DNM2: variants seen among roughly 807,000 people sequenced by gnomAD.
The protein encoded by DNM2 is dynamin-2.
Under a neutral mutation model 99.0 loss-of-function variants are expected in DNM2, and 15 were observed. That is an observed-to-expected ratio of 0.15 (90% CI 0.10 to 0.23). DNM2 has a LOEUF of 0.23. DNM2 is among the 10% of genes least tolerant of loss of function. The pLI is 1.00. For missense variants in DNM2, 742 were observed against 1,189.4 expected (o/e 0.62, Z 5.53); for synonymous variants, 525 against 481.2 (o/e 1.09, Z -1.19).
rs2070722832 is a variant in DNM2 at position 10,764,163 on chromosome 19, C to T, written c.235+4352C>T. On this transcript the variant is annotated intron_variant, in intron 2 of 20. Transcript: ENST00000389253. The surrounding 1 kb of genome is among the most constrained non-coding windows in gnomAD (Gnocchi z 4.1). ...GCAGCTGGCTCTCTGTGACCAAACT[C>T]AGAACCAGGCTGCCACCCTTTACTG... 6.6e-6 allele frequency among the ~76,000 whole-genome samples: 1 copy of T among 152,152 alleles called. No individual in the cohort carries two copies. Among genetic ancestry groups the T allele is most frequent in the Non-Finnish European group, 1.5e-5 (1 of 68,008 alleles).
In DNM2 at chr19:10,812,074, T is replaced by G. The variant is rs779271086; in HGVS notation, c.1558-190T>G. ...CTGTCTGTCCGCCCACCTGCCCAGG[T>G]GGCGCCTCATGTTGGTTTCCTGCTG... On this transcript the variant is annotated intron_variant, in intron 14 of 20. Coordinates refer to ENST00000389253, the MANE Select transcript of DNM2 (RefSeq NM_001005361.3). The surrounding 1 kb of genome is among the most constrained non-coding windows in gnomAD (Gnocchi z 4.0). The G allele has an allele frequency of 4.5e-5, 25 of 558,720 alleles. No homozygotes were observed. The highest frequency in any genetic ancestry group is 3.2e-4 in the South Asian group (21 of 65,504). The allele number at this position is 558,720 out of a possible 1,614,324, so 34.6% of individuals were successfully genotyped here.
chr19:10,805,842 G>A (rs926892851), intron 12 of DNM2, 74 bp from the exon 13 acceptor site: 3 of 1,600,586 alleles, frequency 1.9e-6, no homozygotes, highest in South Asian at 1.1e-5. Flanking sequence ...GGAGAGAACG[G>A]CCACATTCGC....
intron 1 of DNM2, among the ~76,000 whole-genome samples, chr19:10,746,730 T>TG (rs1351861905): frequency 1.6e-5 from 2 of 122,750 alleles, no homozygotes; most frequent in East Asian, 2.9e-4. Context: ...TTTTTTTGTT[T>TG]TTTGTTTTTT....
chr19:10,735,945 T>C (rs74257927), intron 1 of DNM2, among the ~76,000 whole-genome samples: 2 of 152,036 alleles, frequency 1.3e-5, no homozygotes, highest in Non-Finnish European at 2.9e-5. Context: ...CTGTCCTTTC[T>C]CCAAAACCAC....
chr19:10,826,445 G>T (rs781370681), intron 18 of DNM2, among the ~76,000 whole-genome samples: 31 of 152,194 alleles, frequency 2.0e-4, no homozygotes, highest in Non-Finnish European at 2.1e-4. Context: ...GCCTGGCCCC[G>T]GGTTCCCTGG....
intron 2 of DNM2, among the ~76,000 whole-genome samples, chr19:10,760,795 A>G (rs1158716981): frequency 1.5e-5 from 2 of 129,128 alleles, no homozygotes; most frequent in South Asian, 2.6e-4. Flanking sequence ...GGTAGCTAGG[A>G]TTACAGGTGC....
At chr19:10,819,162 C>T (rs2072883493) in intron 15 of DNM2, among the ~76,000 whole-genome samples, 1 of 152,168 alleles carries the variant, frequency 6.6e-6, no homozygotes, top group Non-Finnish European at 1.5e-5. Context: ...CGGTGGTGCA[C>T]ACCTGTAATC....
rs2071028740 is a variant in DNM2 at position 10,772,979 on chromosome 19, G to T, written c.385+351G>T. ...ACCAGTCTTCTGTAAAATATCCTGG[G>T]TTTTTTTTTTTTTTTTTTGAGACAG... On this transcript the variant is annotated intron_variant, in intron 3 of 20. Transcript: ENST00000389253. The surrounding 1 kb of genome is among the most constrained non-coding windows in gnomAD (Gnocchi z 4.9). Among the ~76,000 whole-genome samples the T allele has an allele frequency of 8.1e-6, 1 of 123,918 alleles. No individual in the cohort carries two copies. Among genetic ancestry groups the T allele is most frequent in the African/African-American group, 3.1e-5 (1 of 32,440 alleles). 81.3% of individuals were successfully genotyped at this position (123,918 alleles called of 152,430 possible).
intron 19 of DNM2, 102 bp downstream of exon 19, chr19:10,829,370 AG>A: frequency 7.0e-7 from 1 of 1,423,798 alleles, no homozygotes; most frequent in Admixed American, 1.9e-5. Flanking sequence ...ACACAGCCCA[AG>A]GGTGGCACCC....
chr19:10,821,979 G>A lies in DNM2; in HGVS notation c.1782-1809G>A, dbSNP rs567164605. Among the ~76,000 whole-genome samples the A allele has an allele frequency of 5.9e-5, 9 of 152,318 alleles. No individual in the cohort carries two copies. The East Asian group carries it at 1.7e-3, about 29-fold the overall frequency. Reference sequence around the variant, plus strand: ...CCTCATCCAGAGGTCGTTCGGGGCAGCCACTTGCTGACCACAAACCCAACT... The same window carrying A: ...CCTCATCCAGAGGTCGTTCGGGGCAACCACTTGCTGACCACAAACCCAACT... On this transcript the variant is annotated intron_variant, in intron 16 of 20. Coordinates refer to ENST00000389253, the MANE Select transcript of DNM2 (RefSeq NM_001005361.3).
intron 1 of DNM2, among the ~76,000 whole-genome samples, chr19:10,719,288 C>G (rs544210917): frequency 6.6e-6 from 1 of 152,254 alleles, no homozygotes; most frequent in African/African-American, 2.4e-5. Context: ...CCTACTTCCC[C>G]TCTCAGCTGG....
intron 7 of DNM2, among the ~76,000 whole-genome samples, chr19:10,790,565 C>T (rs1300205377): frequency 1.3e-5 from 2 of 152,148 alleles, no homozygotes; most frequent in Admixed American, 1.3e-4. Flanking sequence ...CTCCCAGGTT[C>T]AAGCGATTCT....
chr19:10,796,691 G>A lies in DNM2; in HGVS notation c.1197-689G>A, dbSNP rs1437156360. On this transcript the variant is annotated intron_variant, in intron 9 of 20. Transcript: ENST00000389253. This position sits in a 1 kb window ranked among gnomAD's most constrained non-coding sequence, Gnocchi z 5.6. ...CAGCGACATCATGAGAGCCAGCTGG[G>A]GTCCTAAGTGCCCCTGCCCACCCCC... 1.3e-5 allele frequency among the ~76,000 whole-genome samples: 2 copies of A among 152,068 alleles called. No homozygotes were observed. Among genetic ancestry groups the A allele is most frequent in the African/African-American group, 2.4e-5 (1 of 41,404 alleles).
Position 10,775,866 on chromosome 19 carries a change from C to T in DNM2, c.549C>T (p.Asn183=), listed in dbSNP as rs367972015. ...CGCCCGCCAACATGGACCTGGCCAA[C>T]TCCGACGCCCTCAAGCTGGCCAAGG... ...AVTPANMDLA[N]SDALKLAKEV... The change falls in exon 4 of 21, where the codon AAC becomes AAT. Residue 183 remains asparagine (N), a synonymous_variant. Coordinates refer to ENST00000389253, the MANE Select transcript of DNM2 (RefSeq NM_001005361.3). The surrounding 1 kb of genome is among the most constrained non-coding windows in gnomAD (Gnocchi z 4.3). 4 of 1,613,590 alleles carry T rather than the reference C, an allele frequency of 2.5e-6. No individual in the cohort carries two copies. In the African/African-American group the frequency reaches 5.3e-5, roughly 22 times the overall value.
intron 15 of DNM2, among the ~76,000 whole-genome samples, chr19:10,815,328 G>A (rs1426946760): frequency 6.6e-6 from 1 of 152,226 alleles, no homozygotes; most frequent in Non-Finnish European, 1.5e-5. Flanking sequence ...AGAAGGAAGT[G>A]GATATTGGTT....
In DNM2 at chr19:10,775,953, A is replaced by G. The variant is rs755958891; in HGVS notation, c.589+47A>G. 1 of 1,597,204 alleles carries G rather than the reference A, an allele frequency of 6.3e-7. No homozygotes were observed. Among genetic ancestry groups the G allele is most frequent in the Non-Finnish European group, 8.5e-7 (1 of 1,176,874 alleles). ...TCCCCTCTTCCAGGTGCCTCTGAGC[A>G]TGGGATGTGCCCAGCATCCTTGGTT... On this transcript the variant is annotated intron_variant, in intron 4 of 20. Transcript: ENST00000389253. This position sits in a 1 kb window ranked among gnomAD's most constrained non-coding sequence, Gnocchi z 4.3.
chr19:10,784,067 C>T (rs1406278562), intron 6 of DNM2, among the ~76,000 whole-genome samples: 1 of 152,116 alleles, frequency 6.6e-6, no homozygotes, highest in Non-Finnish European at 1.5e-5. Context: ...AAAAGCTATA[C>T]AGTGGGCCAG....
At chr19:10,762,023 A>G (rs972816814) in intron 2 of DNM2, among the ~76,000 whole-genome samples, 2 of 152,180 alleles carry the variant, frequency 1.3e-5, no homozygotes, top group African/African-American at 4.8e-5. Context: ...GGATGGGGAC[A>G]GATGTGCAAA....
chr19:10,807,917 C>T (rs1306098417), intron 13 of DNM2, among the ~76,000 whole-genome samples: 2 of 150,576 alleles, frequency 1.3e-5, no homozygotes, highest in Admixed American at 6.6e-5. Context: ...CCGAGGCGGG[C>T]GGATCACCTG....
Sources: allele counts gnomAD v4.1 joint callset (sites outside exome capture counted in the v4.1 genomes callset), GRCh38; gene constraint gnomAD v4.1.1; non-coding constraint Gnocchi (gnomAD v3.1); transcripts MANE v1.5; gene names NCBI Gene and HGNC (gene_info 2026-07-23, HGNC 2026-07-21).